The following CIRBP variants were observed in gnomAD, a reference collection of about 807,000 sequenced individuals.
CIRBP encodes the protein cold inducible RNA binding protein.
A neutral mutation model predicts 22.3 loss-of-function variants in CIRBP; 11 were observed. The ratio of observed to expected loss-of-function variants is 0.49; its 90% CI spans 0.31 to 0.82. The LOEUF (loss-of-function observed/expected upper bound fraction) is 0.82, where lower values mean the gene tolerates loss of function less well. Ranked by LOEUF, CIRBP falls within the 40% of genes least tolerant of loss-of-function variation. CIRBP has a pLI of 0.05. For synonymous variants in CIRBP, 216 were observed against 158.8 expected (o/e 1.36, Z -2.71); for missense variants, 456 against 402.7 (o/e 1.13, Z -1.13).
chr19:1,272,021 G>C lies in CIRBP; in HGVS notation c.472G>C (p.Gly158Arg). Residue 158 changes from glycine to arginine, a missense_variant, in exon 6 of 6, where the codon GGG (glycine) becomes CGG (arginine). Transcript: ENST00000587896. ...SGGYSDRSSG[G>R]SYRDSYDSYG... is the part of the protein sequence containing the mutation. ...TGGCTACAGTGACCGGAGCTCGGGCGGGTCCTACAGAGACAGTTATGACAG... is the reference window on the plus strand; with the variant it reads ...TGGCTACAGTGACCGGAGCTCGGGCCGGTCCTACAGAGACAGTTATGACAG... 6.2e-7 allele frequency: 1 copy of C among 1,613,036 alleles called. No individual in the cohort carries two copies. Among genetic ancestry groups the C allele is most frequent in the Non-Finnish European group, 8.5e-7 (1 of 1,179,088 alleles).
At position 1,271,970 on chromosome 19, in the gene CIRBP, C is replaced by G; in HGVS notation, c.432-11C>G. ...GTACCTTCCGGTACTCAACGTTTGT[C>G]TGTCTTGCAGCCGGAGTCAGAGTGG... On this transcript the variant is annotated splice_polypyrimidine_tract_variant and intron_variant, in intron 5 of 5. Transcript: ENST00000587896. 1 of 1,601,618 alleles carries G rather than the reference C, an allele frequency of 6.2e-7. No individual in the cohort carries two copies. Among genetic ancestry groups the G allele is most frequent in the Non-Finnish European group, 8.5e-7 (1 of 1,170,692 alleles).
Position 1,274,528 on chromosome 19 carries a change from C to A in CIRBP, c.*2085C>A. 2.6e-6 allele frequency: 1 copy of A among 386,500 alleles called. No individual in the cohort carries two copies. The highest frequency in any genetic ancestry group is 4.5e-5 in the Admixed American group (1 of 22,274). The allele number at this position is 386,500 out of a possible 1,614,324, so 23.9% of individuals were successfully genotyped here. On this transcript the variant is annotated 3_prime_UTR_variant, in exon 6 of 6. Coordinates refer to ENST00000587896, the MANE Select transcript of CIRBP (RefSeq NM_001300829.2). Reference sequence around the variant, plus strand: ...TTTCAGTGAGTCCTGCTCTCCCGCACCTATGGCCCCATGGCGGGCGCCTTT... The same window carrying A: ...TTTCAGTGAGTCCTGCTCTCCCGCAACTATGGCCCCATGGCGGGCGCCTTT...
chr19:1,271,443 G>A lies in CIRBP; in HGVS notation c.325G>A (p.Gly109Arg). ...GGRGFFRGGR[G>R]RGRGFSRGGG... ...CCGGGGCTTCTTCCGTGGGGGCCGA[G>A]GACGGGGCCGTGGGTTCTCTAGAGG... is the stretch of plus-strand genomic sequence containing the variant. The change falls in exon 4 of 6, where the codon GGA becomes AGA. Residue 109 changes from glycine (G) to arginine (R), a missense_variant. Transcript: ENST00000587896. 6.2e-7 allele frequency: 1 copy of A among 1,611,456 alleles called. No individual in the cohort carries two copies. Among genetic ancestry groups the A allele is most frequent in the Non-Finnish European group, 8.5e-7 (1 of 1,178,692 alleles).
At chr19:1,270,750 C>T in intron 1 of CIRBP, 178 bp from the exon 2 acceptor site, 1 of 591,814 alleles carries the variant, frequency 1.7e-6, no homozygotes, top group Middle Eastern at 4.6e-4. Context: ...GACAGTTAGA[C>T]ACACTGCCCC....
At position 1,270,848 on chromosome 19, in the gene CIRBP, T is replaced by C. The variant is rs2081327540; in HGVS notation, c.-6-80T>C. On this transcript the variant is annotated intron_variant, in intron 1 of 5. Transcript: ENST00000587896. Reference sequence around the variant, plus strand: ...TCTAATATTTCCCCTAAAAAACACATGTCATTTACATAAAATAGGAAGCGG... The same window carrying C: ...TCTAATATTTCCCCTAAAAAACACACGTCATTTACATAAAATAGGAAGCGG... 8 of 891,612 alleles carry C rather than the reference T, an allele frequency of 9.0e-6. 1 individual carries two copies. In the South Asian group the frequency reaches 9.7e-5, roughly 11 times the overall value. 55.2% of individuals were successfully genotyped at this position (891,612 alleles called of 1,614,324 possible).
At position 1,271,440 on chromosome 19, in the gene CIRBP, C is replaced by T. The variant is rs774624754; in HGVS notation, c.322C>T (p.Arg108Ter). The T allele has an allele frequency of 4.3e-6, 7 of 1,611,848 alleles. No individual in the cohort carries two copies. The highest frequency in any genetic ancestry group is 5.9e-6 in the Non-Finnish European group (7 of 1,179,012). The change falls in exon 4 of 6, where the codon CGA (arginine) becomes TGA (stop). Residue 108 changes from arginine (R) to a stop codon, truncating the protein, a stop_gained. Coordinates refer to ENST00000587896, the MANE Select transcript of CIRBP (RefSeq NM_001300829.2). LOFTEE classifies it high-confidence loss of function. ...AGGRGFFRGG[R>*]GRGRGFSRGG... ...GGGCCGGGGCTTCTTCCGTGGGGGC[C>T]GAGGACGGGGCCGTGGGTTCTCTAG... is the stretch of plus-strand genomic sequence containing the variant.
chr19:1,272,243 G>A lies in CIRBP; in HGVS notation c.694G>A (p.Gly232Ser). The change falls in exon 6 of 6, where the codon GGC becomes AGC. Residue 232 changes from glycine to serine, a missense_variant. Physicochemically the swap from Gly to Ser is moderately conservative, Grantham distance 56. Transcript: ENST00000587896. Reference sequence around the variant, plus strand: ...AAAGCCAAATGAGACTGACCAAAAAGGCAAGGGAGAGCGAGGGCCCGCTGG... The same window carrying A: ...AAAGCCAAATGAGACTGACCAAAAAAGCAAGGGAGAGCGAGGGCCCGCTGG... ...TQKPNETDQK[G>S]KGERGPAGQS... 5 of 1,604,166 alleles carry A rather than the reference G, an allele frequency of 3.1e-6. No individual in the cohort carries two copies. The highest frequency in any genetic ancestry group is 2.2e-5 in the East Asian group (1 of 44,770).
In CIRBP at chr19:1,272,086, G is replaced by T. The variant is rs755630032; in HGVS notation, c.537G>T (p.Trp179Cys). The change falls in exon 6 of 6, where the codon TGG becomes TGT. Residue 179 changes from tryptophan (W) to cysteine (C), a missense_variant. Trp to Cys is a radical substitution (Grantham distance 215). Transcript: ENST00000587896. ...ACTCCGAGGGCGCCACGCTGCTGTG[G>T]CCTGCGGTGGGAGCTCGGTTCACCT... ...KSHSEGATLL[W>C]PAVGARFTLV... 1.2e-6 allele frequency: 2 copies of T among 1,614,094 alleles called. No individual in the cohort carries two copies. Among genetic ancestry groups the T allele is most frequent in the South Asian group, 2.2e-5 (2 of 91,092 alleles).
Position 1,272,687 on chromosome 19 carries a change from T to C in CIRBP, c.*244T>C. ...GGTTTTCAAAACATTTTGAAAAGCA[T>C]TTACTTTTTTGACCACGAGCCATGA... On this transcript the variant is annotated 3_prime_UTR_variant, in exon 6 of 6. Coordinates refer to ENST00000587896, the MANE Select transcript of CIRBP (RefSeq NM_001300829.2). The C allele has an allele frequency of 7.6e-6, 3 of 394,498 alleles. No individual in the cohort carries two copies. The East Asian group carries it at 1.1e-4, about 15-fold the overall frequency. The allele number at this position is 394,498 out of a possible 1,614,324, so 24.4% of individuals were successfully genotyped here. A position where few individuals can be genotyped will look rare whatever the true frequency, so the allele number is the denominator to read the frequency against.
Position 1,271,388 on chromosome 19 carries a change from C to T in CIRBP, c.270C>T (p.Ser90=). 4 of 1,613,822 alleles carry T rather than the reference C, an allele frequency of 2.5e-6. No homozygotes were observed. Among genetic ancestry groups the T allele is most frequent in the South Asian group, 1.1e-5 (1 of 91,078 alleles). ...DQAGKSSDNR[S]RGYRGGSAGG... ...CAGGCAAGTCGTCAGACAACCGATC[C>T]CGTGGGTACCGTGGTGGCTCTGCCG... The change falls in exon 4 of 6, where the codon TCC becomes TCT. Residue 90 remains serine, a synonymous_variant. Coordinates refer to ENST00000587896, the MANE Select transcript of CIRBP (RefSeq NM_001300829.2).
Position 1,274,061 on chromosome 19 carries a change from C to G in CIRBP, c.*1618C>G, listed in dbSNP as rs989975994. 1 of 367,014 alleles carries G rather than the reference C, an allele frequency of 2.7e-6. No homozygotes were observed. Among genetic ancestry groups the G allele is most frequent in the Non-Finnish European group, 4.8e-6 (1 of 206,412 alleles). The allele number at this position is 367,014 out of a possible 1,614,324, so 22.7% of individuals were successfully genotyped here. ...CTTAGCTTTCTCTGATGTCTGTTGCCGCCATTAGTTTTTTTCTAGAGCCCA... is the reference window on the plus strand; with the variant it reads ...CTTAGCTTTCTCTGATGTCTGTTGCGGCCATTAGTTTTTTTCTAGAGCCCA... On this transcript the variant is annotated 3_prime_UTR_variant, in exon 6 of 6. Transcript: ENST00000587896.
At chr19:1,269,971 G>A (rs568979448) in intron 1 of CIRBP, 1 of 519,918 alleles carries the variant, frequency 1.9e-6, no homozygotes, top group East Asian at 5.4e-5. Flanking sequence ...AGTTGGCACA[G>A]CTCCCAGTGC....
Position 1,270,930 on chromosome 19 carries a change from C to T in CIRBP, c.-4C>T, listed in dbSNP as rs1012232221. 28 of 1,611,174 alleles carry T rather than the reference C, an allele frequency of 1.7e-5. No homozygotes were observed. The highest frequency in any genetic ancestry group is 4.0e-5 in the African/African-American group (3 of 74,986). ...GATTTCATTGGTGTCTGCCACAGGC[C>T]GCCATGGCATCAGATGAAGGCAAAC... is the stretch of plus-strand genomic sequence containing the variant. On this transcript the variant is annotated splice_region_variant and 5_prime_UTR_variant, in exon 2 of 6. Coordinates refer to ENST00000587896, the MANE Select transcript of CIRBP (RefSeq NM_001300829.2).
Position 1,271,619 on chromosome 19 carries a change from G to T in CIRBP, c.418G>T (p.Asp140Tyr). 1 of 1,547,850 alleles carries T rather than the reference G, an allele frequency of 6.5e-7. No homozygotes were observed. The highest frequency in any genetic ancestry group is 8.7e-7 in the Non-Finnish European group (1 of 1,143,300). The stretch of plus-strand genomic sequence containing the variant: ...GAGTGGGGGCTACGGAGGCTCCAGA[G>T]ACTACTATAGCAGGTGAGGGGGAGG... The part of the protein sequence containing the change: ...SRSGGYGGSR[D>Y]YYSSRSQSGG... The change falls in exon 5 of 6, where the codon GAC becomes TAC. Residue 140 changes from aspartate to tyrosine, a missense_variant. Physicochemically the swap from Asp to Tyr is radical, Grantham distance 160. This residue lies in a region of CIRBP where 426 missense variants were observed against 339.6 expected (regional missense o/e 1.25). Coordinates refer to ENST00000587896, the MANE Select transcript of CIRBP (RefSeq NM_001300829.2).
chr19:1,270,994 T>G lies in CIRBP; in HGVS notation c.61T>G (p.Ser21Ala). ...GCTGAGTTTTGACACCAATGAGCAG[T>G]CGCTGGAGCAGGTCTTCTCAAAGTA... ...GGLSFDTNEQSLEQVFSKYGQ... is the reference protein window; with the variant it reads ...GGLSFDTNEQALEQVFSKYGQ... Residue 21 changes from serine (S) to alanine (A), a missense_variant, in exon 2 of 6, where the codon TCG becomes GCG. Transcript: ENST00000587896. 2 of 1,614,066 alleles carry G rather than the reference T, an allele frequency of 1.2e-6. No individual in the cohort carries two copies. Among genetic ancestry groups the G allele is most frequent in the Non-Finnish European group, 1.7e-6 (2 of 1,180,018 alleles).
Position 1,273,189 on chromosome 19 carries a change from C to G in CIRBP, c.*746C>G, listed in dbSNP as rs147165041. ...TGAAATGAACCTTGCTCTGACAATT[C>G]CCTTGCATTGCACCACACACTCCTT... is the stretch of plus-strand genomic sequence containing the variant. On this transcript the variant is annotated 3_prime_UTR_variant, in exon 6 of 6. Coordinates refer to ENST00000587896, the MANE Select transcript of CIRBP (RefSeq NM_001300829.2). The G allele has an allele frequency of 6.6e-6, 1 of 152,388 alleles. No individual in the cohort carries two copies. The highest frequency in any genetic ancestry group is 1.5e-5 in the Non-Finnish European group (1 of 68,050). The allele number at this position is 152,388 out of a possible 1,614,324, so 9.4% of individuals were successfully genotyped here. A position where few individuals can be genotyped will look rare whatever the true frequency, so the allele number is the denominator to read the frequency against.
At position 1,274,160 on chromosome 19, in the gene CIRBP, A is replaced by C; in HGVS notation, c.*1717A>C. 2.5e-6 allele frequency: 1 copy of C among 394,820 alleles called. No homozygotes were observed. Among genetic ancestry groups the C allele is most frequent in the Non-Finnish European group, 4.5e-6 (1 of 223,822 alleles). The allele number at this position is 394,820 out of a possible 1,614,324, so 24.5% of individuals were successfully genotyped here. A position where few individuals can be genotyped will look rare whatever the true frequency, so the allele number is the denominator to read the frequency against. ...GCCAAGGTGCAGACCCGCCCTGGGC[A>C]TGCTGGCCTGTGACGGAGCCTGAGG... On this transcript the variant is annotated 3_prime_UTR_variant, in exon 6 of 6. Transcript: ENST00000587896.
At chr19:1,270,805 AAAAT>A (rs1012106598) in intron 1 of CIRBP, 119 bp from the exon 2 acceptor site, 16 of 779,462 alleles carry the variant, frequency 2.1e-5, no homozygotes, top group African/African-American at 1.9e-4. Context: ...GAGATAATGA[AAAAT>A]AAAAATCTGA....
chr19:1,269,602 G>A (rs1308625840), intron 1 of CIRBP, among the ~76,000 whole-genome samples, 192 bp downstream of exon 1: 1 of 151,704 alleles, frequency 6.6e-6, no homozygotes, highest in Non-Finnish European at 1.5e-5. Context: ...CCGCCGGTCC[G>A]GGCCGCCGGC....
Sources: gnomAD v4.1 joint callset for allele counts (sites outside exome capture counted in the v4.1 genomes callset) on GRCh38, gnomAD v4.1.1 for gene constraint, gnomAD v4.1.1 regional missense constraint, MANE v1.5 for transcripts, NCBI Gene and HGNC (gene_info 2026-07-23, HGNC 2026-07-21) for gene names.